The following SYNPR variants were observed in gnomAD, a reference collection of about 807,000 sequenced individuals.
SYNPR encodes the protein synaptoporin.
SYNPR carries 23 observed loss-of-function variants against 32.9 expected under a neutral mutation model. That is an observed-to-expected ratio of 0.70 (90% CI 0.50 to 0.99). The LOEUF is 0.99. Ranked by LOEUF, SYNPR falls within the 50% of genes least tolerant of loss-of-function variation. The pLI is 0.00. For synonymous variants in SYNPR, 146 were observed against 135.9 expected, an observed-to-expected ratio of 1.07 and a Z score of -0.52; for missense variants, 318 against 349.3, an observed-to-expected ratio of 0.91 and a Z score of 0.71.
At chr3:63,275,656 A>G (rs370213974), upstream of SYNPR, among the ~76,000 whole-genome samples, 22 of 152,350 alleles carry the variant, frequency 1.4e-4, no homozygotes, top group South Asian at 4.4e-3. Context: ...ATAAATATGT[A>G]GATGACCTTA....
intron 2 of SYNPR, among the ~76,000 whole-genome samples, chr3:63,399,389 G>C (rs917047798): frequency 7.9e-5 from 12 of 152,184 alleles, no homozygotes; most frequent in African/African-American, 2.7e-4. Context: ...TGCAGAGCCT[G>C]AATGTGGCCT....
In SYNPR at chr3:63,270,973, TCTTC is replaced by T. The variant is rs200592272; in HGVS notation, n.287+3544_287+3547del. ...TTCTTCCTTCCTTCCTTCCTTCTTT[TCTTC>T]CTTCCTTCCTTCCTTCCTTTTCTTT... On this transcript the variant is annotated intron_variant and non_coding_transcript_variant, in intron 3 of 4. Coordinates refer to the SYNPR transcript ENST00000478456. 4.6e-3 allele frequency among the ~76,000 whole-genome samples: 74 copies of T among 15,954 alleles called. 2 individuals carry two copies. Among genetic ancestry groups the T allele is most frequent in the East Asian group, 0.018 (26 of 1,478 alleles). 10.5% of individuals were successfully genotyped at this position (15,954 alleles called of 152,430 possible). A position where few individuals can be genotyped will look rare whatever the true frequency, so the allele number is the denominator to read the frequency against.
intron 3 of SYNPR, among the ~76,000 whole-genome samples, chr3:63,267,724 T>TC (rs1335256215): frequency 6.6e-6 from 1 of 152,010 alleles, no homozygotes; most frequent in Non-Finnish European, 1.5e-5. Context: ...GATTTAACTT[T>TC]CAATCAGTTT....
intron 3 of SYNPR, among the ~76,000 whole-genome samples, chr3:63,529,243 A>T (rs542783382): frequency 6.6e-6 from 1 of 152,368 alleles, no homozygotes; most frequent in Admixed American, 6.5e-5. Context: ...TAGCCTACAC[A>T]TATCCTCCCA....
chr3:63,249,867 A>G (rs1320002), intron 1 of SYNPR, among the ~76,000 whole-genome samples: 116,506 of 151,970 alleles, frequency 0.77, 45,514 homozygotes, highest in Middle Eastern at 0.87. Context: ...TGGGGGATGA[A>G]TGACACAGCA....
intron 4 of SYNPR, among the ~76,000 whole-genome samples, chr3:63,568,364 A>G (rs907128856): frequency 1.3e-5 from 2 of 152,184 alleles, no homozygotes; most frequent in Admixed American, 6.5e-5. Context: ...CTGGAAGTGG[A>G]GAAAAAAGCC....
intron 1 of SYNPR, among the ~76,000 whole-genome samples, chr3:63,247,265 G>GT (rs34239130): frequency 1.7e-3 from 251 of 148,902 alleles, no homozygotes; most frequent in African/African-American, 4.4e-3. Context: ...CATAAGAAAT[G>GT]TTTTTTTTTT....
intron 3 of SYNPR, among the ~76,000 whole-genome samples, chr3:63,496,327 T>C (rs988179034): frequency 3.9e-5 from 6 of 152,084 alleles, no homozygotes; most frequent in African/African-American, 1.4e-4. Context: ...ATTATAAATA[T>C]ATTTTCATGT....
intron 2 of SYNPR, among the ~76,000 whole-genome samples, chr3:63,444,650 A>AT (rs1161798843): frequency 6.6e-6 from 1 of 151,998 alleles, no homozygotes; most frequent in Non-Finnish European, 1.5e-5. Flanking sequence ...AATTTTTCAG[A>AT]TTTTGAAGTA....
intron 2 of SYNPR, among the ~76,000 whole-genome samples, chr3:63,407,393 G>A (rs935003367): frequency 1.3e-5 from 2 of 152,268 alleles, no homozygotes. Flanking sequence ...TAATATAGTG[G>A]TCGAATCTGT....
At chr3:63,292,448 G>A (rs1427235267) in intron 2 of SYNPR, among the ~76,000 whole-genome samples, 1 of 152,076 alleles carries the variant, frequency 6.6e-6, no homozygotes. Context: ...TTTAAAAAAT[G>A]CCTGATTTTA....
intron 2 of SYNPR, among the ~76,000 whole-genome samples, chr3:63,424,901 C>T (rs540594943): frequency 6.6e-6 from 1 of 152,314 alleles, no homozygotes; most frequent in African/African-American, 2.4e-5. Context: ...AGACAGTAAT[C>T]TTTCCTCAAC....
At chr3:63,290,486 G>T (rs1056173834) in intron 2 of SYNPR, among the ~76,000 whole-genome samples, 1 of 152,076 alleles carries the variant, frequency 6.6e-6, no homozygotes, top group African/African-American at 2.4e-5. Context: ...GACTAAGGAT[G>T]TTCATACCTT....
intron 2 of SYNPR, among the ~76,000 whole-genome samples, chr3:63,448,240 G>C (rs1025057503): frequency 2.0e-5 from 3 of 150,736 alleles, no homozygotes; most frequent in Admixed American, 1.3e-4. Flanking sequence ...ATAACCTCAG[G>C]TGATCCTCCT....
intron 2 of SYNPR, among the ~76,000 whole-genome samples, chr3:63,283,259 G>A (rs529330764): frequency 2.6e-5 from 4 of 152,054 alleles, no homozygotes; most frequent in South Asian, 4.1e-4. Context: ...CTTTATTTAC[G>A]TGTTCTTTCC....
chr3:63,291,500 A>G (rs2887080), intron 2 of SYNPR, among the ~76,000 whole-genome samples: 5,821 of 152,260 alleles, frequency 0.038, 342 homozygotes, highest in African/African-American at 0.13. Context: ...TTTAATGTCC[A>G]TCTACAGCTG....
the SYNPR span, among the ~76,000 whole-genome samples, chr3:63,210,707 C>T: frequency 6.6e-6 from 1 of 152,110 alleles, no homozygotes; most frequent in Non-Finnish European, 1.5e-5. Flanking sequence ...AAAAATTATG[C>T]CATCCATATT....
intron 2 of SYNPR, among the ~76,000 whole-genome samples, chr3:63,357,256 A>T (rs2087595248): frequency 6.6e-6 from 1 of 151,564 alleles, no homozygotes; most frequent in East Asian, 1.9e-4. Context: ...GAGACCAGAG[A>T]CCCCTCCCAC....
At chr3:63,483,659 G>A (rs1037766019) in intron 3 of SYNPR, among the ~76,000 whole-genome samples, 1 of 152,104 alleles carries the variant, frequency 6.6e-6, no homozygotes. Context: ...CCAGTGAGAT[G>A]AAATGATAAG....
Sources: allele counts gnomAD v4.1 joint callset (sites outside exome capture counted in the v4.1 genomes callset), GRCh38; gene constraint gnomAD v4.1.1; transcripts MANE v1.5; gene names NCBI Gene and HGNC (gene_info 2026-07-23, HGNC 2026-07-21).